KIAA1217: variants seen among roughly 807,000 people sequenced by gnomAD.
KIAA1217 encodes KIAA1217, also known as sickle tail protein homolog.
Under a neutral mutation model 163.9 loss-of-function variants are expected in KIAA1217, and 88 were observed. That is an observed-to-expected ratio of 0.54 (90% CI 0.45 to 0.64). The LOEUF (loss-of-function observed/expected upper bound fraction) is 0.64. Among genes scored for constraint, KIAA1217 ranks in the 30% least tolerant of loss-of-function variants. KIAA1217 has a pLI of 0.00. For synonymous variants in KIAA1217, 903 were observed against 923.1 expected, an observed-to-expected ratio of 0.98 and a Z score of 0.39; for missense variants, 2,372 against 2,475.0, an observed-to-expected ratio of 0.96 and a Z score of 0.88.
In KIAA1217 at chr10:23,758,650, CT is replaced by C. The variant is rs1330028552; in HGVS notation, c.-321+63417del. 9.6e-3 allele frequency among the ~76,000 whole-genome samples: 1,309 copies of C among 136,990 alleles called. 13 individuals are homozygous for C. The highest frequency in any genetic ancestry group is 0.015 in the Non-Finnish European group (970 of 64,152). 89.9% of individuals were successfully genotyped at this position (136,990 alleles called of 152,430 possible). Reference sequence around the variant, plus strand: ...TTTCTCTCTCTCTCTCTCTCTCCCCCTCCCTCCCTCCCTCCCCCTTTTTCTT... The same window carrying C: ...TTTCTCTCTCTCTCTCTCTCTCCCCCCCCTCCCTCCCTCCCCCTTTTTCTT... On this transcript the variant is annotated intron_variant, in intron 1 of 18. Coordinates refer to the KIAA1217 transcript ENST00000376462.
At chr10:24,324,286 G>A (rs905892441) in intron 2 of KIAA1217, among the ~76,000 whole-genome samples, 35 of 148,516 alleles carry the variant, frequency 2.4e-4, no homozygotes, top group African/African-American at 8.5e-4. Flanking sequence ...ACAGCAACAG[G>A]CCGGGCACTG....
At chr10:24,045,511 A>G (rs1202424095) in intron 2 of KIAA1217, among the ~76,000 whole-genome samples, 3 of 151,386 alleles carry the variant, frequency 2.0e-5, no homozygotes, top group Non-Finnish European at 4.4e-5. Flanking sequence ...TTTTTCTGAT[A>G]CTCATCTTTC....
chr10:23,982,780 T>G (rs1451948557), intron 1 of KIAA1217, among the ~76,000 whole-genome samples: 3 of 152,034 alleles, frequency 2.0e-5, no homozygotes, highest in Non-Finnish European at 4.4e-5. Context: ...GCCAGGCTGG[T>G]CTGAAACTCC....
intron 1 of KIAA1217, among the ~76,000 whole-genome samples, chr10:23,793,159 G>T (rs966536764): frequency 2.6e-5 from 4 of 152,018 alleles, no homozygotes; most frequent in Non-Finnish European, 5.9e-5. Context: ...GAATGTGCGC[G>T]CTTCAGTCCC....
intron 2 of KIAA1217, among the ~76,000 whole-genome samples, chr10:24,154,142 A>T (rs1048356633): frequency 1.3e-5 from 2 of 151,646 alleles, no homozygotes; most frequent in African/African-American, 4.8e-5. Flanking sequence ...TATTTTTAGT[A>T]GAGACGGGGT....
chr10:24,358,514 T>C (rs2049425681), intron 2 of KIAA1217, among the ~76,000 whole-genome samples: 1 of 152,240 alleles, frequency 6.6e-6, no homozygotes, highest in Non-Finnish European at 1.5e-5. Flanking sequence ...TTCATTCTCA[T>C]ACACTCTTGC....
chr10:24,257,634 A>G (rs990435753), intron 2 of KIAA1217, among the ~76,000 whole-genome samples: 1 of 152,194 alleles, frequency 6.6e-6, no homozygotes, highest in Admixed American at 6.5e-5. Context: ...TGAAAGATGT[A>G]TCCAGCCTTC....
intron 1 of KIAA1217, among the ~76,000 whole-genome samples, chr10:23,710,712 T>A (rs1161987470): frequency 6.6e-6 from 1 of 152,242 alleles, no homozygotes; most frequent in African/African-American, 2.4e-5. Context: ...TTTATATAGC[T>A]GTGCCTTGAT....
chr10:24,292,070 A>G (rs1002390814), intron 2 of KIAA1217, among the ~76,000 whole-genome samples: 1 of 152,226 alleles, frequency 6.6e-6, no homozygotes, highest in Non-Finnish European at 1.5e-5. Flanking sequence ...AGATATTTGG[A>G]TGAGTTTTCT....
At chr10:24,484,413 T>A (rs947747659) in intron 6 of KIAA1217, among the ~76,000 whole-genome samples, 6 of 151,096 alleles carry the variant, frequency 4.0e-5, no homozygotes, top group African/African-American at 1.5e-4. Flanking sequence ...GCCCAGCTAA[T>A]TTTTTGTATT....
In KIAA1217 at chr10:24,299,456, G is replaced by A. The variant is rs115188494; in HGVS notation, c.354+79547G>A. On this transcript the variant is annotated intron_variant, in intron 2 of 20. Transcript: ENST00000376454. ...AAACAGGGTCTTGCTCTGTTGCCCAGGCTCTGATCGTAGCTCACTGCAGCC... is the reference window on the plus strand; with the variant it reads ...AAACAGGGTCTTGCTCTGTTGCCCAAGCTCTGATCGTAGCTCACTGCAGCC... Among the ~76,000 whole-genome samples the A allele has an allele frequency of 1.9e-3, 286 of 152,186 alleles. 1 individual carries two copies. Among genetic ancestry groups the A allele is most frequent in the African/African-American group, 6.6e-3 (274 of 41,514 alleles).
chr10:23,881,544 C>T (rs1338202800), intron 1 of KIAA1217, among the ~76,000 whole-genome samples: 1 of 151,884 alleles, frequency 6.6e-6, no homozygotes, highest in Non-Finnish European at 1.5e-5. Flanking sequence ...GAAAGGGATT[C>T]GCTGGAATCA....
intron 1 of KIAA1217, among the ~76,000 whole-genome samples, chr10:23,975,598 T>C (rs1454937627): frequency 6.6e-6 from 1 of 152,170 alleles, no homozygotes; most frequent in African/African-American, 2.4e-5. Flanking sequence ...TCAAAGCACT[T>C]ACCAGGGTAG....
intron 8 of KIAA1217, among the ~76,000 whole-genome samples, chr10:24,499,189 A>G (rs759242372): frequency 6.6e-6 from 1 of 152,240 alleles, no homozygotes; most frequent in Non-Finnish European, 1.5e-5. Context: ...TCTGTAAGGA[A>G]AACTTCCAAT....
rs1375498702 is a variant in KIAA1217, at chr10:24,437,321, A to T, written c.753-1065A>T. ...AACAAGCTACTGGAGCAACCGTGCA[A>T]GCTTGGGCTAGTCATTGCTTCAAAG... On this transcript the variant is annotated intron_variant, in intron 4 of 20. Coordinates refer to ENST00000376454, the MANE Select transcript of KIAA1217 (RefSeq NM_019590.5). Among the ~76,000 whole-genome samples the T allele has an allele frequency of 5.3e-5, 8 of 152,222 alleles. No individual in the cohort carries two copies. In the East Asian group the frequency reaches 1.5e-3, roughly 29 times the overall value.
intron 1 of KIAA1217, among the ~76,000 whole-genome samples, chr10:23,883,560 G>A (rs554878691): frequency 5.9e-5 from 9 of 151,896 alleles, no homozygotes; most frequent in Admixed American, 4.6e-4. Context: ...CATGCATAGC[G>A]TCTCCCATTA....
intron 2 of KIAA1217, among the ~76,000 whole-genome samples, chr10:24,332,729 A>G (rs2133592430): frequency 6.6e-6 from 1 of 152,278 alleles, no homozygotes; most frequent in Non-Finnish European, 1.5e-5. Flanking sequence ...GCACATGTAA[A>G]GTGTGTTTAA....
intron 2 of KIAA1217, among the ~76,000 whole-genome samples, chr10:24,375,680 C>T (rs1253336739): frequency 8.5e-5 from 13 of 152,156 alleles, no homozygotes; most frequent in Admixed American, 8.5e-4. Context: ...TGAGTCATTC[C>T]AAATACATTT....
At chr10:23,946,062 A>G (rs74123202) in intron 1 of KIAA1217, among the ~76,000 whole-genome samples, 2,354 of 152,234 alleles carry the variant, frequency 0.015, 71 homozygotes, top group African/African-American at 0.052. Context: ...ATTAATAGTT[A>G]TGGTTTTTGC....
Sources: gnomAD v4.1 joint callset for allele counts (sites outside exome capture counted in the v4.1 genomes callset) on GRCh38, gnomAD v4.1.1 for gene constraint, MANE v1.5 for transcripts, NCBI Gene and HGNC (gene_info 2026-07-23, HGNC 2026-07-21) for gene names.